Variants in ZAN observed in about 807,000 individuals in gnomAD.
ZAN encodes zonadhesin.
Under a neutral mutation model 286.2 loss-of-function variants are expected in ZAN, and 260 were observed. The ratio of observed to expected loss-of-function variants is 0.91; its 90% CI spans 0.82 to 1.01. ZAN has a LOEUF of 1.01. Among genes scored for constraint, ZAN ranks in the 50% least tolerant of loss-of-function variants. The pLI, the probability that ZAN is intolerant of heterozygous loss-of-function variation, is 0.00. For missense variants in ZAN, 3,410 were observed against 3,639.2 expected, an observed-to-expected ratio of 0.94 and a Z score of 1.62; for synonymous variants, 1,368 against 1,417.5, an observed-to-expected ratio of 0.97 and a Z score of 0.79.
intron 28 of ZAN, 113 bp downstream of exon 28, chr7:100,770,087 G>A: frequency 9.2e-7 from 1 of 1,090,814 alleles, no homozygotes; most frequent in Non-Finnish European, 1.3e-6. Context: ...AAAAGCATGA[G>A]GAAGGCAAAT....
rs146175856 is a variant in ZAN, at chr7:100,735,647, C to T, written c.54-73C>T. ...TCCTTACGTGACCACTCAGAAAGCT[C>T]ACAGTCACTGAATCTTATAATTCTT... On this transcript the variant is annotated intron_variant, in intron 2 of 47. Transcript: ENST00000613979. 3.6e-5 allele frequency: 42 copies of T among 1,166,612 alleles called. 4 individuals carry two copies. In the East Asian group the frequency reaches 1.0e-3, roughly 29 times the overall value. 72.3% of individuals were successfully genotyped at this position (1,166,612 alleles called of 1,614,324 possible). A position where few individuals can be genotyped will look rare whatever the true frequency, so the allele number is the denominator to read the frequency against.
chr7:100,773,123 C>T (rs1810501085), intron 29 of ZAN, among the ~76,000 whole-genome samples, 162 bp from the exon 30 acceptor site: 1 of 151,980 alleles, frequency 6.6e-6, no homozygotes, highest in African/African-American at 2.4e-5. Context: ...AGCCTGTTCT[C>T]GAACTCCTGA....
At chr7:100,737,384 A>G in intron 6 of ZAN, 35 bp downstream of exon 6, 3 of 1,321,110 alleles carry the variant, frequency 2.3e-6, no homozygotes, top group South Asian at 2.7e-5. Flanking sequence ...CTGCCCTCGG[A>G]CCCTTTTCTC....
Position 100,789,354 on chromosome 7 carries a change from G to A in ZAN, c.7357+7G>A. 1.9e-6 allele frequency: 3 copies of A among 1,612,636 alleles called. No homozygotes were observed. Among genetic ancestry groups the A allele is most frequent in the Non-Finnish European group, 8.5e-7 (1 of 1,179,120 alleles). ...GGTGGAAGGAAAAATGCAGGTAATG[G>A]AGAGAGGGGAAAGAAGAGCAAAAGG... On this transcript the variant is annotated splice_region_variant and intron_variant, in intron 39 of 47. Transcript: ENST00000613979.
intron 11 of ZAN, among the ~76,000 whole-genome samples, chr7:100,750,059 A>AACACAC (rs373704697): frequency 0.14 from 17,003 of 122,034 alleles, 1,125 homozygotes; most frequent in East Asian, 0.21. Flanking sequence ...TCAAAAAAAC[A>AACACAC]ACACACACAC....
In ZAN at chr7:100,746,601, G is replaced by A; in HGVS notation, c.830G>A (p.Ser277Asn). ...ARPGQKAVLL[S>N]PVSLSSGCLS... The stretch of plus-strand genomic sequence containing the variant: ...CCTGGGCAGAAAGCTGTCCTCCTGA[G>A]CCCCGTGAGCCTGTCCTCTGGCTGT... Residue 277 changes from serine to asparagine, a missense_variant, in exon 8 of 48, where the codon AGC (serine) becomes AAC (asparagine). Ser to Asn is a conservative substitution (Grantham distance 46). Transcript: ENST00000613979. 6.2e-7 allele frequency: 1 copy of A among 1,613,970 alleles called. No homozygotes were observed. Among genetic ancestry groups the A allele is most frequent in the East Asian group, 2.2e-5 (1 of 44,878 alleles).
Position 100,734,150 on chromosome 7 carries a change from G to C in ZAN, c.-19G>C. The C allele has an allele frequency of 6.9e-7, 1 of 1,445,140 alleles. No individual in the cohort carries two copies. Among genetic ancestry groups the C allele is most frequent in the East Asian group, 2.5e-5 (1 of 39,740 alleles). The allele number at this position is 1,445,140 out of a possible 1,614,324, so 89.5% of individuals were successfully genotyped here. ...TGTGCCCTTCCCCTCTCCCCTGGGA[G>C]CAACCACTTAGGGTCCTCATGGTTC... On this transcript the variant is annotated 5_prime_UTR_variant, in exon 2 of 48. Coordinates refer to ENST00000613979, the MANE Select transcript of ZAN (RefSeq NM_003386.3).
At chr7:100,771,678 C>T (rs995837647) in intron 28 of ZAN, among the ~76,000 whole-genome samples, 166 bp from the exon 29 acceptor site, 33 of 152,078 alleles carry the variant, frequency 2.2e-4, no homozygotes, top group African/African-American at 6.7e-4. Context: ...GTGATCTGCC[C>T]ACCTCGGCCT....
Position 100,786,065 on chromosome 7 carries a change from C to G in ZAN, c.6903C>G (p.Cys2301Trp). Residue 2301 changes from cysteine to tryptophan, a missense_variant, in exon 37 of 48, where the codon TGC becomes TGG. Cys to Trp is a radical substitution (Grantham distance 215). This residue lies in a region of ZAN where 1,289 missense variants were observed against 1,314.3 expected (regional missense o/e 0.98). Transcript: ENST00000613979. Reference sequence around the variant, plus strand: ...TCTGCACGGGAGGAGCCATTCAGTGCGGGGACTTCCGATGCCCCTCTGGGT... The same window carrying G: ...TCTGCACGGGAGGAGCCATTCAGTGGGGGGACTTCCGATGCCCCTCTGGGT... ...KCVCTGGAIQ[C>W]GDFRCPSGSH... is the part of the protein sequence containing the mutation. 1 of 1,613,982 alleles carries G rather than the reference C, an allele frequency of 6.2e-7. No homozygotes were observed. Among genetic ancestry groups the G allele is most frequent in the Non-Finnish European group, 8.5e-7 (1 of 1,179,886 alleles).
intron 45 of ZAN, among the ~76,000 whole-genome samples, chr7:100,796,192 T>A (rs1812351201): frequency 6.6e-6 from 1 of 152,172 alleles, no homozygotes; most frequent in African/African-American, 2.4e-5. Context: ...TCCTGTGACC[T>A]GTATCTCTCA....
At chr7:100,792,941 C>T (rs965467458) in intron 42 of ZAN, among the ~76,000 whole-genome samples, 1 of 139,760 alleles carries the variant, frequency 7.2e-6, no homozygotes, top group African/African-American at 2.7e-5. Context: ...TGACCGCACA[C>T]CACCACACTC....
Position 100,794,116 on chromosome 7 carries a change from C to T in ZAN, c.7987-4C>T. On this transcript the variant is annotated splice_polypyrimidine_tract_variant and splice_region_variant and intron_variant, in intron 43 of 47. Transcript: ENST00000613979. ...CGTCTCCTCCTGGCCCTTCCCCTTTCTAGCTGGGCAGCAGCTTTCTGACTG... is the reference window on the plus strand; with the variant it reads ...CGTCTCCTCCTGGCCCTTCCCCTTTTTAGCTGGGCAGCAGCTTTCTGACTG... The T allele has an allele frequency of 1.9e-6, 3 of 1,614,022 alleles. No individual in the cohort carries two copies. Among genetic ancestry groups the T allele is most frequent in the Non-Finnish European group, 2.5e-6 (3 of 1,179,878 alleles).
At chr7:100,738,873 T>C (rs112294908) in intron 7 of ZAN, among the ~76,000 whole-genome samples, 366 of 24,130 alleles carry the variant, frequency 0.015, 31 homozygotes, top group African/African-American at 0.033. Flanking sequence ...CCTCTTCTTC[T>C]TCTCCCTCTC....
intron 39 of ZAN, 59 bp from the exon 40 acceptor site, chr7:100,790,879 TAAAA>T (rs5886138): frequency 8.8e-4 from 1,056 of 1,205,828 alleles, no homozygotes; most frequent in East Asian, 1.2e-3. Context: ...CAAGACTGTC[TAAAA>T]AAAAAAAAAA....
intron 17 of ZAN, 77 bp from the exon 18 acceptor site, chr7:100,759,636 CCTGCGGCG>C: frequency 1.5e-6 from 2 of 1,312,904 alleles, no homozygotes; most frequent in Admixed American, 3.2e-5. Flanking sequence ...CTCATCTCTC[CCTGCGGCG>C]CCAGGCTCAG....
chr7:100,747,750 G>A lies in ZAN; in HGVS notation c.1023+109G>A. ...TCATGCCTGTATTCCCAATACTTTG[G>A]GAGGCTGAGGAGGGAGGATCGCTTC... On this transcript the variant is annotated intron_variant, in intron 9 of 47. Transcript: ENST00000613979. The A allele has an allele frequency of 5.6e-6, 6 of 1,079,100 alleles. No homozygotes were observed. In the South Asian group the frequency reaches 6.6e-5, roughly 12 times the overall value. The allele number at this position is 1,079,100 out of a possible 1,614,324, so 66.8% of individuals were successfully genotyped here.
rs1444707002 is a variant in ZAN at position 100,748,339 on chromosome 7, G to A, written c.1118G>A (p.Cys373Tyr). 1.9e-6 allele frequency: 3 copies of A among 1,613,992 alleles called. No homozygotes were observed. Among genetic ancestry groups the A allele is most frequent in the Non-Finnish European group, 2.5e-6 (3 of 1,179,900 alleles). The change falls in exon 11 of 48, where the codon TGT (cysteine) becomes TAT (tyrosine). Residue 373 changes from cysteine (C) to tyrosine (Y), a missense_variant. Transcript: ENST00000613979. ...GATCCCCCAGAGGGTTTTCCTCAGT[G>A]TGACTTTGAAGACAACGCCCATCCC... The part of the protein sequence containing the change: ...IAPCGEGFPQ[C>Y]DFEDNAHPFC...
intron 40 of ZAN, 69 bp from the exon 41 acceptor site, chr7:100,791,897 A>G: frequency 6.6e-7 from 1 of 1,507,744 alleles, no homozygotes; most frequent in Non-Finnish European, 8.9e-7. Context: ...CCGGCTAATC[A>G]GTTCTTCTTC....
In ZAN at chr7:100,751,863, C is replaced by G. The variant is rs1376144811; in HGVS notation, c.1758C>G (p.Val586=). 1 of 1,613,588 alleles carries G rather than the reference C, an allele frequency of 6.2e-7. No individual in the cohort carries two copies. The highest frequency in any genetic ancestry group is 8.5e-7 in the Non-Finnish European group (1 of 1,179,822). Residue 586 remains valine (V), a synonymous_variant, in exon 14 of 48, where the codon GTC becomes GTG. Coordinates refer to ENST00000613979, the MANE Select transcript of ZAN (RefSeq NM_003386.3). ...KPSVTTEKPT[V]PKEKPTIPTE... ...GTGTCACCACAGAAAAGCCCACAGT[C>G]CCCAAAGAAAAGCCCACCATTCCCA...
Sources: gnomAD v4.1 joint callset for allele counts (sites outside exome capture counted in the v4.1 genomes callset) on GRCh38, gnomAD v4.1.1 for gene constraint, gnomAD v4.1.1 regional missense constraint, MANE v1.5 for transcripts, NCBI Gene and HGNC (gene_info 2026-07-23, HGNC 2026-07-21) for gene names.